PCDH9: variants seen among roughly 807,000 people sequenced by gnomAD.
PCDH9 encodes the protein protocadherin-9.
A neutral mutation model predicts 70.6 loss-of-function variants in PCDH9; 24 were observed. That is an observed-to-expected ratio of 0.34 (90% confidence interval 0.25 to 0.48). PCDH9 has a LOEUF of 0.48. Ranked by LOEUF, PCDH9 falls within the 20% of genes least tolerant of loss-of-function variation. PCDH9 has a pLI of 0.99. For missense variants in PCDH9, 1,281 were observed against 1,503.6 expected (o/e 0.85, Z 2.45); for synonymous variants, 562 against 558.5 (o/e 1.01, Z -0.09).
At chr13:66,385,759 A>C (rs1956917162) in intron 4 of PCDH9, among the ~76,000 whole-genome samples, 1 of 152,214 alleles carries the variant, frequency 6.6e-6, no homozygotes, top group Non-Finnish European at 1.5e-5. Flanking sequence ...CATTGTAATA[A>C]GAGTTAAATG....
At chr13:67,040,388 CTG>C (rs2085088870) in intron 2 of PCDH9, among the ~76,000 whole-genome samples, 1 of 152,154 alleles carries the variant, frequency 6.6e-6, no homozygotes, top group Non-Finnish European at 1.5e-5. Flanking sequence ...GGCGGAAAGA[CTG>C]TGTGAGCCCA....
chr13:66,871,429 T>C lies in PCDH9; in HGVS notation c.3138+32075A>G, dbSNP rs2081683151. ...AAATAAAAATAAAAAATAAATAAAA[T>C]TAAAAAAAATCAAAGTCCTGTTCAC... On this transcript the variant is annotated intron_variant, in intron 3 of 4. Transcript: ENST00000377865. 3.4e-5 allele frequency among the ~76,000 whole-genome samples: 4 copies of C among 117,350 alleles called. No individual in the cohort carries two copies. In the South Asian group the frequency reaches 1.0e-3, roughly 31 times the overall value. 77.0% of individuals were successfully genotyped at this position (117,350 alleles called of 152,430 possible).
At chr13:66,413,681 A>G (rs9540741) in intron 4 of PCDH9, among the ~76,000 whole-genome samples, 65,715 of 151,606 alleles carry the variant, frequency 0.43, 15,029 homozygotes, top group South Asian at 0.53. Flanking sequence ...GCGAGACTCC[A>G]TCTTAAAAAA....
At chr13:66,644,834 G>A (rs986637861) in intron 3 of PCDH9, among the ~76,000 whole-genome samples, 1 of 151,954 alleles carries the variant, frequency 6.6e-6, no homozygotes, top group African/African-American at 2.4e-5. Flanking sequence ...ATTTTATAAT[G>A]ATTTAAACAA....
chr13:66,748,248 T>C (rs2079402990), intron 3 of PCDH9, among the ~76,000 whole-genome samples: 1 of 152,202 alleles, frequency 6.6e-6, no homozygotes, highest in Admixed American at 6.5e-5. Flanking sequence ...GAATATAAAA[T>C]GGATGCTTCT....
chr13:66,524,739 A>G (rs948550315), intron 4 of PCDH9, among the ~76,000 whole-genome samples: 2 of 152,234 alleles, frequency 1.3e-5, no homozygotes, highest in South Asian at 4.2e-4. Context: ...AGGTAGTTAT[A>G]TTAGCTTTCT....
chr13:66,530,248 G>A (rs867966734), intron 4 of PCDH9, among the ~76,000 whole-genome samples: 3 of 152,058 alleles, frequency 2.0e-5, no homozygotes, highest in African/African-American at 7.2e-5. Context: ...AGCAGGAGAA[G>A]ATATGTGTTT....
chr13:66,326,409 A>AG (rs1343327331), intron 4 of PCDH9, among the ~76,000 whole-genome samples: 4 of 151,362 alleles, frequency 2.6e-5, no homozygotes, highest in African/African-American at 9.7e-5. Context: ...AAAAAAAAAA[A>AG]AAAACAACGA....
Position 67,226,212 on chromosome 13 carries a change from A to T in PCDH9, c.2229T>A (p.Pro743=). ...GNITLEEKPA[P]TDVGLHRLVV... ...CCAAACGATGCAATCCCACATCAGT[A>T]GGTGCTGGTTTTTCTTCCAGAGTAA... Residue 743 remains proline (P), a synonymous_variant, in exon 2 of 5, where the codon CCT becomes CCA. Coordinates refer to ENST00000377865, the MANE Select transcript of PCDH9 (RefSeq NM_203487.3). The surrounding 1 kb of genome is among the most constrained non-coding windows in gnomAD (Gnocchi z 5.0). 1 of 1,614,112 alleles carries T rather than the reference A, an allele frequency of 6.2e-7. No homozygotes were observed. The highest frequency in any genetic ancestry group is 8.5e-7 in the Non-Finnish European group (1 of 1,179,984).
chr13:66,783,332 C>T (rs550340649), intron 3 of PCDH9, among the ~76,000 whole-genome samples: 4 of 152,014 alleles, frequency 2.6e-5, no homozygotes, highest in African/African-American at 9.7e-5. Context: ...CCTACTCTGC[C>T]ATAGCTCAAA....
intron 2 of PCDH9, among the ~76,000 whole-genome samples, chr13:67,049,053 T>C (rs1458154835): frequency 6.6e-6 from 1 of 152,242 alleles, no homozygotes; most frequent in Non-Finnish European, 1.5e-5. Context: ...TGTAATCAGA[T>C]ATTTCTAATA....
chr13:66,765,149 C>T (rs1181438190), intron 3 of PCDH9, among the ~76,000 whole-genome samples: 2 of 151,598 alleles, frequency 1.3e-5, no homozygotes, highest in Non-Finnish European at 2.9e-5. Context: ...CCCTCCCTCT[C>T]TTTTTTCTAA....
intron 2 of PCDH9, among the ~76,000 whole-genome samples, chr13:66,907,417 C>T (rs7990449): frequency 2.6e-5 from 4 of 152,122 alleles, no homozygotes; most frequent in African/African-American, 7.2e-5. Flanking sequence ...ACTGAAAGTA[C>T]ATTTGTTTTA....
rs1048308953 is a variant in PCDH9 at position 66,460,646 on chromosome 13, TTAAAGATACCAGAA to T, written c.3341-155632_3341-155619del. ...GTTGAATTTAAAGCGTCTTCCTGTT[TTAAAGATACCAGAA>T]TAAAGATACCTGGAATTTTAAGTGA... On this transcript the variant is annotated intron_variant, in intron 4 of 4. Transcript: ENST00000377865. Among the ~76,000 whole-genome samples the T allele has an allele frequency of 4.3e-4, 66 of 151,948 alleles. 1 individual carries two copies. Among genetic ancestry groups the T allele is most frequent in the Non-Finnish European group, 2.7e-4 (18 of 67,914 alleles).
intron 2 of PCDH9, among the ~76,000 whole-genome samples, chr13:67,129,465 C>A (rs1367066654): frequency 6.6e-6 from 1 of 151,952 alleles, no homozygotes; most frequent in African/African-American, 2.4e-5. Flanking sequence ...TTTATTTCAA[C>A]TCCATATTTT....
At chr13:66,994,722 T>C (rs1383517538) in intron 2 of PCDH9, among the ~76,000 whole-genome samples, 1 of 152,194 alleles carries the variant, frequency 6.6e-6, no homozygotes, top group Non-Finnish European at 1.5e-5. Context: ...TGATCTCCTT[T>C]TTTGAGTCTC....
chr13:66,918,571 A>G (rs1388570545), intron 2 of PCDH9, among the ~76,000 whole-genome samples: 1 of 151,222 alleles, frequency 6.6e-6, no homozygotes, highest in Non-Finnish European at 1.5e-5. Flanking sequence ...TTAATTTACC[A>G]TTTTAACAGC....
intron 3 of PCDH9, among the ~76,000 whole-genome samples, chr13:66,792,728 A>G (rs924266217): frequency 2.0e-5 from 3 of 152,174 alleles, no homozygotes; most frequent in East Asian, 1.9e-4. Context: ...GTAATTTGTT[A>G]TATTACTACA....
chr13:66,981,213 C>T (rs568274336), intron 2 of PCDH9, among the ~76,000 whole-genome samples: 3 of 152,056 alleles, frequency 2.0e-5, no homozygotes, highest in Admixed American at 6.5e-5. Flanking sequence ...CCCAGGCGGG[C>T]GGATCACGAG....
Sources: gnomAD v4.1 joint callset for allele counts (sites outside exome capture counted in the v4.1 genomes callset) on GRCh38, gnomAD v4.1.1 for gene constraint, Gnocchi (gnomAD v3.1) non-coding constraint, MANE v1.5 for transcripts, NCBI Gene and HGNC (gene_info 2026-07-23, HGNC 2026-07-21) for gene names.